RHAG: variants seen among roughly 807,000 people sequenced by gnomAD.
RHAG encodes Rh associated glycoprotein.
Under a neutral mutation model 42.4 loss-of-function variants are expected in RHAG, and 25 were observed. The ratio of observed to expected loss-of-function variants is 0.59; its 90% CI spans 0.43 to 0.82. RHAG has a LOEUF of 0.82. RHAG is among the 40% of genes least tolerant of loss of function. The probability of loss-of-function intolerance (pLI) is 0.00; values close to 1 mark genes in which losing one functional copy is unlikely to be tolerated. For synonymous variants in RHAG, 182 were observed against 177.7 expected (o/e 1.02, Z -0.19); for missense variants, 483 against 504.6 (o/e 0.96, Z 0.41).
chr6:49,626,586 G>GGATCTAC (rs1470345406), intron 1 of RHAG, among the ~76,000 whole-genome samples: 1 of 152,184 alleles, frequency 6.6e-6, no homozygotes, highest in Non-Finnish European at 1.5e-5. Flanking sequence ...GGGGCACGGT[G>GGATCTAC]CAAGCTGTCA....
In RHAG at chr6:49,605,560, G is replaced by A; in HGVS notation, c.*253C>T. ...CTGGAGAAGATCTATTTGATTATCT[G>A]TTTTATGAGTAACATCCCCTCAATT... On this transcript the variant is annotated 3_prime_UTR_variant, in exon 10 of 10. Transcript: ENST00000371175. The A allele has an allele frequency of 5.3e-6, 3 of 565,390 alleles. No individual in the cohort carries two copies. The highest frequency in any genetic ancestry group is 4.7e-4 in the Middle Eastern group (1 of 2,150). The allele number at this position is 565,390 out of a possible 1,614,324, so 35.0% of individuals were successfully genotyped here. A position where few individuals can be genotyped will look rare whatever the true frequency, so the allele number is the denominator to read the frequency against.
chr6:49,611,904 G>T (rs1164705710), intron 6 of RHAG, among the ~76,000 whole-genome samples: 1 of 151,124 alleles, frequency 6.6e-6, no homozygotes, highest in African/African-American at 2.4e-5. Context: ...ACCATGCCCG[G>T]CTAATTTTTG....
chr6:49,618,539 G>A (rs1762694884), intron 2 of RHAG, among the ~76,000 whole-genome samples: 1 of 152,076 alleles, frequency 6.6e-6, no homozygotes, highest in South Asian at 2.1e-4. Flanking sequence ...ATAACTAATG[G>A]GAAATTTTTG....
At chr6:49,615,568 C>A (rs1187684413) in intron 4 of RHAG, 56 bp downstream of exon 4, 1 of 1,593,642 alleles carries the variant, frequency 6.3e-7, no homozygotes, top group Non-Finnish European at 8.6e-7. Context: ...TTGAAGTTAA[C>A]CTTCTCTGGT....
In RHAG at chr6:49,614,809, T is replaced by C. The variant is rs1411229670; in HGVS notation, c.685A>G (p.Ile229Val). The C allele has an allele frequency of 6.2e-7, 1 of 1,614,236 alleles. No homozygotes were observed. Among genetic ancestry groups the C allele is most frequent in the East Asian group, 2.2e-5 (1 of 44,888 alleles). ...WMFWPSFNSA[I>V]AEPGDKQCRA... ...CACTGTTTGTCTCCAGGTTCAGCAA[T>C]GGCCGAGTTAAAGCTGGGCCAAAAC... Residue 229 changes from isoleucine to valine, a missense_variant, in exon 5 of 10, where the codon ATT becomes GTT. Coordinates refer to ENST00000371175, the MANE Select transcript of RHAG (RefSeq NM_000324.3).
intron 3 of RHAG, among the ~76,000 whole-genome samples, 176 bp from the exon 4 acceptor site, chr6:49,615,947 G>A (rs1762645423): frequency 6.6e-6 from 1 of 152,150 alleles, no homozygotes; most frequent in African/African-American, 2.4e-5. Context: ...AAATAGTACA[G>A]AATTTGGAGC....
At chr6:49,635,015 AG>A (rs1225009221) in intron 1 of RHAG, among the ~76,000 whole-genome samples, 1 of 140,938 alleles carries the variant, frequency 7.1e-6, no homozygotes, top group African/African-American at 2.6e-5. Context: ...GGGTGGGGCG[AG>A]GGGTGATCAG....
At position 49,626,702 on chromosome 6, in the gene RHAG, C is replaced by T. The variant is rs1314673931; in HGVS notation, c.158-7340G>A. On this transcript the variant is annotated intron_variant, in intron 1 of 9. Coordinates refer to ENST00000371175, the MANE Select transcript of RHAG (RefSeq NM_000324.3). The stretch of plus-strand genomic sequence containing the variant: ...GTTTGGGCTTGCACCCCACATTTCC[C>T]TTCTGCACTGCCCTAGCAGAGGTTC... Among the ~76,000 whole-genome samples, 3 of 152,200 alleles carry T rather than the reference C, an allele frequency of 2.0e-5. No homozygotes were observed. In the East Asian group the frequency reaches 5.8e-4, roughly 29 times the overall value.
intron 6 of RHAG, among the ~76,000 whole-genome samples, chr6:49,611,747 T>TA: frequency 6.6e-6 from 1 of 151,822 alleles, no homozygotes. Context: ...TCTCTTTTTT[T>TA]TTTTTTTCTT....
chr6:49,636,832 G>T lies in RHAG; in HGVS notation c.-20C>A. 1 of 1,613,360 alleles carries T rather than the reference G, an allele frequency of 6.2e-7. No homozygotes were observed. The highest frequency in any genetic ancestry group is 8.5e-7 in the Non-Finnish European group (1 of 1,179,458). On this transcript the variant is annotated 5_prime_UTR_variant, in exon 1 of 10. Transcript: ENST00000371175. ...CCTCATGTTTGTGGCAAAGGACAGA[G>T]GCACACTGAGAGCTTCACAGGCTGT...
chr6:49,634,964 GTGTGTGTGTGTGTGTT>G (rs1427301399), intron 1 of RHAG, among the ~76,000 whole-genome samples: 4 of 139,536 alleles, frequency 2.9e-5, no homozygotes, highest in South Asian at 2.5e-4. Context: ...ACCTGTGTGT[GTGTGTGTGTGTGTGTT>G]TGTGTATACC....
At chr6:49,629,405 G>A (rs920292501) in intron 1 of RHAG, among the ~76,000 whole-genome samples, 1 of 152,112 alleles carries the variant, frequency 6.6e-6, no homozygotes, top group African/African-American at 2.4e-5. Flanking sequence ...ACAGAGTGCC[G>A]GTTGGTGTAT....
chr6:49,613,429 T>G (rs1220433576), intron 5 of RHAG, among the ~76,000 whole-genome samples: 1 of 152,206 alleles, frequency 6.6e-6, no homozygotes, highest in African/African-American at 2.4e-5. Flanking sequence ...CTATTCTGTC[T>G]GAGAAGCAGA....
At chr6:49,618,806 C>T (rs1174302298) in intron 2 of RHAG, among the ~76,000 whole-genome samples, 1 of 152,186 alleles carries the variant, frequency 6.6e-6, no homozygotes, top group East Asian at 1.9e-4. Flanking sequence ...AAAGAATTGT[C>T]TTAGTCTGCT....
chr6:49,614,636 A>G, intron 5 of RHAG, 51 bp downstream of exon 5: 1 of 1,524,988 alleles, frequency 6.6e-7, no homozygotes. Flanking sequence ...TATCTGAGCA[A>G]CTGTCAGTGT....
At chr6:49,612,648 A>ATTGG in intron 5 of RHAG, 114 bp from the exon 6 acceptor site, 1 of 1,236,838 alleles carries the variant, frequency 8.1e-7, no homozygotes, top group Non-Finnish European at 1.2e-6. Flanking sequence ...TGAAAGGGCT[A>ATTGG]TTGGTTCTTT....
intron 1 of RHAG, among the ~76,000 whole-genome samples, chr6:49,635,397 G>T (rs948792807): frequency 6.6e-6 from 1 of 152,010 alleles, no homozygotes; most frequent in African/African-American, 2.4e-5. Context: ...TAGAATAAAA[G>T]AATCATATTT....
rs760011620 is a variant in RHAG at position 49,614,678 on chromosome 6, G to A, written c.807+9C>T. 34 of 1,612,946 alleles carry A rather than the reference G, an allele frequency of 2.1e-5. No homozygotes were observed. Among genetic ancestry groups the A allele is most frequent in the Middle Eastern group, 1.9e-4 (1 of 5,350 alleles). ...GCAAAATTTCCATGAGGGCTAAGGC[G>A]GCACTTACCATGTTGAGCTTGCCTC... is the stretch of plus-strand genomic sequence containing the variant. On this transcript the variant is annotated intron_variant, in intron 5 of 9. Transcript: ENST00000371175.
chr6:49,620,393 T>C (rs1762733595), intron 1 of RHAG, among the ~76,000 whole-genome samples: 1 of 152,218 alleles, frequency 6.6e-6, no homozygotes, highest in South Asian at 2.1e-4. Context: ...GTAAGACATA[T>C]ATATGGATAA....
Sources: allele counts gnomAD v4.1 joint callset (sites outside exome capture counted in the v4.1 genomes callset), GRCh38; gene constraint gnomAD v4.1.1; transcripts MANE v1.5; gene names NCBI Gene and HGNC (gene_info 2026-07-23, HGNC 2026-07-21).